Variants in THNSL1 observed in about 807,000 individuals in gnomAD.
THNSL1 encodes the protein threonine synthase like 1, also known as threonine synthase-like 1.
THNSL1 carries 48 observed loss-of-function variants against 50.4 expected under a neutral mutation model. The ratio of observed to expected loss-of-function variants is 0.95; its 90% CI spans 0.76 to 1.21. The LOEUF is 1.21. Ranked by LOEUF, THNSL1 falls within the 50% of genes most tolerant of loss-of-function variation. The pLI is 0.00. For synonymous variants in THNSL1, 309 were observed against 306.1 expected, an observed-to-expected ratio of 1.01 and a Z score of -0.10; for missense variants, 896 against 871.7, an observed-to-expected ratio of 1.03 and a Z score of -0.35.
At chr10:25,018,608 G>C (rs1463394680) in intron 1 of THNSL1, among the ~76,000 whole-genome samples, 1 of 150,194 alleles carries the variant, frequency 6.7e-6, no homozygotes, top group African/African-American at 2.4e-5. Context: ...ACAGATCCTA[G>C]ATCCCCGTAT....
chr10:25,024,050 GC>G lies in THNSL1; in HGVS notation c.828del (p.Cys277AlafsTer7). On this transcript the variant is annotated frameshift_variant, in exon 3 of 3. Coordinates refer to ENST00000376356, the MANE Select transcript of THNSL1 (RefSeq NM_024838.5). LOFTEE classifies it high-confidence loss of function. ...CCTGCAAAGGAGTTTCCAAAATTAAGCTGCGGGGAGTGGAAAAGCCTAGTAG... is the reference window on the plus strand; with the variant it reads ...CCTGCAAAGGAGTTTCCAAAATTAAGTGCGGGGAGTGGAAAAGCCTAGTAG... ...FVPAKEFPKL[S>X]CGEWKSLVGA... The G allele has an allele frequency of 6.2e-7, 1 of 1,614,188 alleles. No individual in the cohort carries two copies. Among genetic ancestry groups the G allele is most frequent in the Non-Finnish European group, 8.5e-7 (1 of 1,180,012 alleles).
chr10:25,020,759 A>T (rs906735779), intron 1 of THNSL1, among the ~76,000 whole-genome samples: 2 of 151,520 alleles, frequency 1.3e-5, no homozygotes, highest in Non-Finnish European at 2.9e-5. Flanking sequence ...AAAAAAAATT[A>T]CTGCTCATGA....
At chr10:24,956,570 A>G in the THNSL1 span, among the ~76,000 whole-genome samples, 1 of 151,074 alleles carries the variant, frequency 6.6e-6, no homozygotes, top group South Asian at 2.1e-4. Context: ...GTACAGTGTG[A>G]TATTCCACTA....
chr10:24,991,268 T>TTTCTACC, the THNSL1 span, among the ~76,000 whole-genome samples: 1 of 152,064 alleles, frequency 6.6e-6, no homozygotes, highest in African/African-American at 2.4e-5. Context: ...AGAGTTGGCT[T>TTTCTACC]TTCTACCTTC....
At chr10:25,017,437 G>C (rs949279640) in intron 1 of THNSL1, among the ~76,000 whole-genome samples, 1 of 152,108 alleles carries the variant, frequency 6.6e-6, no homozygotes, top group Non-Finnish European at 1.5e-5. Context: ...AAAGCTTCCC[G>C]GAGAGGAGAG....
the THNSL1 span, among the ~76,000 whole-genome samples, chr10:24,978,033 C>T: frequency 6.6e-6 from 1 of 152,106 alleles, no homozygotes; most frequent in Non-Finnish European, 1.5e-5. Flanking sequence ...TATATAGGCA[C>T]CTCGTTTAGA....
the THNSL1 span, among the ~76,000 whole-genome samples, chr10:25,011,604 A>T: frequency 6.6e-6 from 1 of 152,158 alleles, no homozygotes; most frequent in African/African-American, 2.4e-5. Flanking sequence ...AAAGACTTAA[A>T]CGTTAGACCT....
At chr10:25,010,588 TC>T in the THNSL1 span, among the ~76,000 whole-genome samples, 4 of 149,960 alleles carry the variant, frequency 2.7e-5, no homozygotes, top group East Asian at 6.0e-4. Context: ...ATGCTATCCC[TC>T]CCCCCTACCC....
At chr10:25,002,357 G>A in the THNSL1 span, among the ~76,000 whole-genome samples, 14 of 152,284 alleles carry the variant, frequency 9.2e-5, no homozygotes, top group East Asian at 1.9e-4. Context: ...CTGGTACTCT[G>A]TGCTGTGAAT....
chr10:24,970,616 G>T, the THNSL1 span, among the ~76,000 whole-genome samples: 1 of 152,084 alleles, frequency 6.6e-6, no homozygotes. Context: ...GGGAGGCTGC[G>T]GCAGGAGGAT....
At chr10:24,965,060 CAAA>C in the THNSL1 span, among the ~76,000 whole-genome samples, 4 of 120,450 alleles carry the variant, frequency 3.3e-5, no homozygotes, top group Admixed American at 2.6e-4. Flanking sequence ...AATCCTATCT[CAAA>C]AAAAAAAAAA....
At chr10:25,004,479 C>T in the THNSL1 span, among the ~76,000 whole-genome samples, 4 of 152,136 alleles carry the variant, frequency 2.6e-5, no homozygotes, top group Admixed American at 2.6e-4. Context: ...GATGGTATCT[C>T]ATTGTAGTTT....
chr10:24,976,002 C>T, the THNSL1 span, among the ~76,000 whole-genome samples: 2 of 152,292 alleles, frequency 1.3e-5, no homozygotes, highest in South Asian at 4.1e-4. Context: ...AAGCTGTTGA[C>T]CTTGTTATTC....
chr10:24,984,398 A>AG, the THNSL1 span: 4 of 1,595,218 alleles, frequency 2.5e-6, no homozygotes, highest in Non-Finnish European at 3.4e-6. Context: ...AAAAAAAAAA[A>AG]GTGAAGTTCT....
chr10:25,003,631 T>A, the THNSL1 span, among the ~76,000 whole-genome samples: 10 of 152,182 alleles, frequency 6.6e-5, no homozygotes, highest in Non-Finnish European at 1.2e-4. Context: ...TTCTGAATGG[T>A]GTGGTTTTAT....
At chr10:24,952,521 C>T in the THNSL1 span, 7 of 1,584,468 alleles carry the variant, frequency 4.4e-6, no homozygotes, top group South Asian at 4.6e-5. The surrounding 1 kb of genome is among the most constrained non-coding windows in gnomAD (Gnocchi z 5.1). Context: ...AGGGAGTTTG[C>T]ATTTACCACG....
At chr10:24,964,062 C>A in the THNSL1 span, among the ~76,000 whole-genome samples, 1 of 152,158 alleles carries the variant, frequency 6.6e-6, no homozygotes, top group Non-Finnish European at 1.5e-5. Flanking sequence ...GTGAAACTGT[C>A]CTGTGTATTG....
the THNSL1 span, chr10:24,995,868 T>G: frequency 6.3e-7 from 1 of 1,599,828 alleles, no homozygotes; most frequent in Non-Finnish European, 8.5e-7. Context: ...CAAAGTTTTT[T>G]TCTGTTAAAT....
chr10:25,015,244 C>T (rs1012685517), upstream of THNSL1, among the ~76,000 whole-genome samples: 8 of 152,208 alleles, frequency 5.3e-5, no homozygotes, highest in African/African-American at 1.9e-4. Flanking sequence ...AAAATTTCAA[C>T]TCAATTACAT....
Sources: gnomAD v4.1 joint callset for allele counts (sites outside exome capture counted in the v4.1 genomes callset) on GRCh38, gnomAD v4.1.1 for gene constraint, Gnocchi (gnomAD v3.1) non-coding constraint, MANE v1.5 for transcripts, NCBI Gene and HGNC (gene_info 2026-07-23, HGNC 2026-07-21) for gene names.